The following PDC variants were observed in gnomAD, a reference collection of about 807,000 sequenced individuals.
PDC encodes the protein phosducin, also known as 33 kDa phototransducing protein.
Under a neutral mutation model 22.2 loss-of-function variants are expected in PDC, and 19 were observed. That is an observed-to-expected ratio of 0.86 (90% CI 0.60 to 1.26). The LOEUF (loss-of-function observed/expected upper bound fraction) is 1.26, where lower values mean the gene tolerates loss of function less well. Ranked by LOEUF, PDC falls within the 50% of genes most tolerant of loss-of-function variation. The pLI is 0.00. For synonymous variants in PDC, 97 were observed against 96.2 expected (o/e 1.01, Z -0.05); for missense variants, 274 against 286.8 (o/e 0.96, Z 0.32).
intron 1 of PDC, among the ~76,000 whole-genome samples, chr1:186,454,710 T>G (rs953007450): frequency 1.3e-5 from 2 of 152,218 alleles, no homozygotes; most frequent in African/African-American, 2.4e-5. Context: ...GGCCAAATTA[T>G]GGAACCATTA....
intron 1 of PDC, among the ~76,000 whole-genome samples, chr1:186,449,706 A>G (rs1662310975): frequency 6.6e-6 from 1 of 152,152 alleles, no homozygotes; most frequent in Non-Finnish European, 1.5e-5. Context: ...GTTATTAAAG[A>G]TGTCTGGACT....
chr1:186,450,268 G>T (rs912258924), intron 1 of PDC, among the ~76,000 whole-genome samples: 1 of 152,026 alleles, frequency 6.6e-6, no homozygotes, highest in Non-Finnish European at 1.5e-5. Flanking sequence ...CATGGGACAA[G>T]TTTTCATGAC....
At chr1:186,456,010 TA>T (rs1662462847) in intron 1 of PDC, among the ~76,000 whole-genome samples, 1 of 120,934 alleles carries the variant, frequency 8.3e-6, no homozygotes, top group African/African-American at 3.2e-5. Context: ...TATATATATA[TA>T]TATATATATA....
intron 1 of PDC, among the ~76,000 whole-genome samples, chr1:186,454,210 G>A (rs1265495796): frequency 3.5e-5 from 4 of 113,186 alleles, no homozygotes; most frequent in Admixed American, 2.6e-4. Flanking sequence ...GTCTTGCTCC[G>A]TAGCCCAGGC....
At position 186,446,131 on chromosome 1, in the gene PDC, A is replaced by C. The variant is rs572469447; in HGVS notation, c.213+295T>G. On this transcript the variant is annotated intron_variant, in intron 3 of 3. Transcript: ENST00000391997. ...TTTTTTCTTTACATGTTTTCAAAACAAGTGGAGCAGGTTTGTTACAATTCC... is the reference window on the plus strand; with the variant it reads ...TTTTTTCTTTACATGTTTTCAAAACCAGTGGAGCAGGTTTGTTACAATTCC... Among the ~76,000 whole-genome samples, 278 of 152,346 alleles carry C rather than the reference A, an allele frequency of 1.8e-3. 1 individual carries two copies. Among genetic ancestry groups the C allele is most frequent in the African/African-American group, 6.1e-3 (252 of 41,584 alleles).
intron 1 of PDC, among the ~76,000 whole-genome samples, chr1:186,460,531 T>C (rs1344929262): frequency 6.6e-6 from 1 of 152,218 alleles, no homozygotes; most frequent in Non-Finnish European, 1.5e-5. Context: ...CTGTGTCTAA[T>C]TTATAAATTA....
chr1:186,452,315 T>C (rs1662370038), intron 1 of PDC, among the ~76,000 whole-genome samples: 1 of 152,194 alleles, frequency 6.6e-6, no homozygotes, highest in Admixed American at 6.5e-5. Flanking sequence ...CTCCCCTCAC[T>C]GCAACCTCTG....
At chr1:186,455,232 CAG>C (rs1227931422) in intron 1 of PDC, among the ~76,000 whole-genome samples, 5 of 152,204 alleles carry the variant, frequency 3.3e-5, no homozygotes, top group Admixed American at 3.3e-4. Flanking sequence ...CCTCACATGA[CAG>C]AGAGTGGGTT....
At chr1:186,453,151 T>C (rs1349873292) in intron 1 of PDC, among the ~76,000 whole-genome samples, 3 of 152,176 alleles carry the variant, frequency 2.0e-5, no homozygotes, top group Non-Finnish European at 4.4e-5. Flanking sequence ...TTTTAAATAG[T>C]ACTTTATATA....
Position 186,444,142 on chromosome 1 carries a change from T to A in PDC, c.578A>T (p.Lys193Ile). Residue 193 changes from lysine to isoleucine, a missense_variant, in exon 4 of 4, where the codon AAA becomes ATA. Physicochemically the swap from Lys to Ile is moderately radical, Grantham distance 102. Coordinates refer to ENST00000391997, the MANE Select transcript of PDC (RefSeq NM_002597.5). ...LDVLPTLLIY[K>I]GGELISNFIS... Reference sequence around the variant, plus strand: ...AAAATTGCTTATGAGTTCCCCACCTTTATAGATGAGCAGTGTAGGAAGTAC... The same window carrying A: ...AAAATTGCTTATGAGTTCCCCACCTATATAGATGAGCAGTGTAGGAAGTAC... The A allele has an allele frequency of 6.2e-7, 1 of 1,613,956 alleles. No homozygotes were observed. The highest frequency in any genetic ancestry group is 8.5e-7 in the Non-Finnish European group (1 of 1,179,884).
intron 1 of PDC, among the ~76,000 whole-genome samples, chr1:186,456,939 T>C (rs1662484723): frequency 6.6e-6 from 1 of 152,220 alleles, no homozygotes; most frequent in African/African-American, 2.4e-5. Flanking sequence ...GTGGGCAAAA[T>C]TGACAGACAT....
intron 1 of PDC, among the ~76,000 whole-genome samples, chr1:186,455,994 A>AATATATATATATATAT (rs71104863): frequency 2.6e-5 from 2 of 77,104 alleles, no homozygotes; most frequent in African/African-American, 1.4e-4. Flanking sequence ...AAAAAAAAAA[A>AATATATATATATATAT]ATATATATAT....
intron 2 of PDC, 42 bp from the exon 3 acceptor site, chr1:186,446,619 CA>C: frequency 8.2e-7 from 1 of 1,223,362 alleles, no homozygotes; most frequent in South Asian, 1.5e-5. Context: ...TTTTTATTTT[CA>C]AAAGGACTGT....
At chr1:186,446,650 G>A (rs1232488667) in intron 2 of PDC, 73 bp from the exon 3 acceptor site, 5 of 878,624 alleles carry the variant, frequency 5.7e-6, no homozygotes, top group Non-Finnish European at 8.6e-6. Flanking sequence ...TGAAATTTGT[G>A]TAAGTATTGT....
intron 1 of PDC, among the ~76,000 whole-genome samples, chr1:186,457,962 A>G (rs888174353): frequency 7.2e-5 from 11 of 152,162 alleles, no homozygotes; most frequent in Non-Finnish European, 1.5e-5. Flanking sequence ...TATAGAACTG[A>G]TGTAATATTT....
intron 1 of PDC, among the ~76,000 whole-genome samples, chr1:186,454,680 A>G (rs778696997): frequency 5.9e-5 from 9 of 152,212 alleles, no homozygotes; most frequent in Non-Finnish European, 1.0e-4. Flanking sequence ...AATGTTCTTT[A>G]TAGAACTACT....
At position 186,457,728 on chromosome 1, in the gene PDC, G is replaced by A. The variant is rs1174959539; in HGVS notation, c.-25+3331C>T. On this transcript the variant is annotated intron_variant, in intron 1 of 3. Coordinates refer to ENST00000391997, the MANE Select transcript of PDC (RefSeq NM_002597.5). ...TAAAATTAAATTTTGGGACGCATGA[G>A]TGGAATACAGGACACATGGTCCTCA... 2.6e-5 allele frequency among the ~76,000 whole-genome samples: 4 copies of A among 152,168 alleles called. No individual in the cohort carries two copies. In the East Asian group the frequency reaches 7.7e-4, roughly 29 times the overall value.
chr1:186,459,243 C>G (rs2102140917), intron 1 of PDC, among the ~76,000 whole-genome samples: 1 of 152,138 alleles, frequency 6.6e-6, no homozygotes, highest in Admixed American at 6.5e-5. Context: ...TTCTAAGATC[C>G]TGCTTTGCAG....
intron 1 of PDC, chr1:186,451,177 A>G (rs1662347683): frequency 6.6e-6 from 1 of 152,202 alleles, no homozygotes; most frequent in Non-Finnish European, 1.5e-5. Flanking sequence ...ATCCCTATCC[A>G]GAATCACTGG....
Sources: allele counts gnomAD v4.1 joint callset (sites outside exome capture counted in the v4.1 genomes callset), GRCh38; gene constraint gnomAD v4.1.1; transcripts MANE v1.5; gene names NCBI Gene and HGNC (gene_info 2026-07-23, HGNC 2026-07-21).